UTP15: variants seen among roughly 807,000 people sequenced by gnomAD.
The protein encoded by UTP15 is UTP15 small subunit processome component.
Under a neutral mutation model 59.1 loss-of-function variants are expected in UTP15, and 5 were observed. The ratio of observed to expected loss-of-function variants is 0.08; its 90% CI spans 0.04 to 0.18. UTP15 has a LOEUF of 0.18. Ranked by LOEUF, UTP15 falls within the 10% of genes least tolerant of loss-of-function variation. The pLI, the probability that UTP15 is intolerant of heterozygous loss-of-function variation, is 1.00. For missense variants in UTP15, 494 were observed against 616.7 expected, an observed-to-expected ratio of 0.80 and a Z score of 2.11; for synonymous variants, 211 against 212.2, an observed-to-expected ratio of 0.99 and a Z score of 0.05.
Position 73,577,929 on chromosome 5 carries a change from A to G in UTP15, c.968A>G (p.Lys323Arg). 8.2e-6 allele frequency: 13 copies of G among 1,591,750 alleles called. No homozygotes were observed. The highest frequency in any genetic ancestry group is 1.1e-5 in the Non-Finnish European group (13 of 1,173,708). The part of the protein sequence containing the change: ...LSVKHRKSEA[K>R]KESLPRRRRP... ...GTTAAACATCGGAAATCTGAAGCAA[A>G]GAAGGAATCACTTCCCAGAAGAAGA... is the stretch of plus-strand genomic sequence containing the variant. The change falls in exon 9 of 13, where the codon AAG (lysine) becomes AGG (arginine). Residue 323 changes from lysine (K) to arginine (R), a missense_variant. By Grantham distance (26) the Lys-to-Arg change is conservative. Coordinates refer to ENST00000296792, the MANE Select transcript of UTP15 (RefSeq NM_032175.4).
intron 5 of UTP15, 47 bp downstream of exon 5, chr5:73,569,722 G>A (rs748798914): frequency 4.1e-6 from 6 of 1,445,910 alleles, no homozygotes; most frequent in Middle Eastern, 1.8e-4. Context: ...TCACGGGGAT[G>A]TACTTTAATG....
chr5:73,577,815 G>A (rs755363598), intron 8 of UTP15, 41 bp from the exon 9 acceptor site: 15 of 1,515,798 alleles, frequency 9.9e-6, no homozygotes, highest in South Asian at 6.1e-5. Flanking sequence ...TATAAATTAC[G>A]AGTTAAGAAT....
rs767425041 is a variant in UTP15, at chr5:73,568,238, C to T, written c.94C>T (p.Pro32Ser). The T allele has an allele frequency of 1.9e-6, 3 of 1,606,206 alleles. No individual in the cohort carries two copies. Among genetic ancestry groups the T allele is most frequent in the Non-Finnish European group, 2.5e-6 (3 of 1,177,486 alleles). ...CACACTATTATTTTTTATTAAGACC[C>T]CTGTTCAGATTAAGGAATTTGGTGC... ...DTLYWNNYKT[P>S]VQIKEFGAVS... is the part of the protein sequence containing the mutation. Residue 32 changes from proline to serine, a missense_variant, in exon 3 of 13, where the codon CCT becomes TCT. Coordinates refer to ENST00000296792, the MANE Select transcript of UTP15 (RefSeq NM_032175.4).
Position 73,579,390 on chromosome 5 carries a change from A to T in UTP15, c.1339+15A>T. On this transcript the variant is annotated intron_variant, in intron 12 of 12. Coordinates refer to ENST00000296792, the MANE Select transcript of UTP15 (RefSeq NM_032175.4). Reference sequence around the variant, plus strand: ...AATAATTATTGGTAAGTCATTGTTAAAACTTGAAAATCCTAACATGCTTGC... The same window carrying T: ...AATAATTATTGGTAAGTCATTGTTATAACTTGAAAATCCTAACATGCTTGC... The T allele has an allele frequency of 1.3e-6, 2 of 1,586,046 alleles. No homozygotes were observed. Among genetic ancestry groups the T allele is most frequent in the Non-Finnish European group, 1.7e-6 (2 of 1,164,996 alleles).
In UTP15 at chr5:73,580,684, T is replaced by C. The variant is rs1748276474; in HGVS notation, c.*590T>C. 6.6e-6 allele frequency: 1 copy of C among 152,286 alleles called. No individual in the cohort carries two copies. Among genetic ancestry groups the C allele is most frequent in the South Asian group, 2.1e-4 (1 of 4,836 alleles). The allele number at this position is 152,286 out of a possible 1,614,324, so 9.4% of individuals were successfully genotyped here. A position where few individuals can be genotyped will look rare whatever the true frequency, so the allele number is the denominator to read the frequency against. On this transcript the variant is annotated 3_prime_UTR_variant, in exon 13 of 13. Transcript: ENST00000296792. ...AGTGTGGCAAGTAAGTTTTCGGCTC[T>C]GAAGAACTGACACTAGCTAGATTTG...
In UTP15 at chr5:73,581,738, A is replaced by G. The variant is rs1395840028; in HGVS notation, c.*1644A>G. On this transcript the variant is annotated 3_prime_UTR_variant, in exon 13 of 13. Transcript: ENST00000296792. ...AAATTAATTTAACATTTAGACTAAC[A>G]TTAACATTTAAATTAATATGTTAAG... The G allele has an allele frequency of 2.2e-5, 3 of 138,192 alleles. No individual in the cohort carries two copies. The highest frequency in any genetic ancestry group is 2.5e-4 in the East Asian group (1 of 3,926). 8.6% of individuals were successfully genotyped at this position (138,192 alleles called of 1,614,324 possible).
At position 73,565,790 on chromosome 5, in the gene UTP15, C is replaced by A; in HGVS notation, c.-206C>A. 1 of 456,298 alleles carries A rather than the reference C, an allele frequency of 2.2e-6. No individual in the cohort carries two copies. The highest frequency in any genetic ancestry group is 1.5e-5 in the South Asian group (1 of 64,568). The allele number at this position is 456,298 out of a possible 1,614,324, so 28.3% of individuals were successfully genotyped here. ...GGTTCGCTGTGTGTGTCGCCGGCTC[C>A]TTGAGGGTCCATGTGATTTTTACGC... On this transcript the variant is annotated 5_prime_UTR_variant, in exon 1 of 13. Transcript: ENST00000296792.
intron 4 of UTP15, among the ~76,000 whole-genome samples, chr5:73,568,850 G>A (rs1445572601): frequency 6.6e-6 from 1 of 151,674 alleles, no homozygotes; most frequent in Non-Finnish European, 1.5e-5. Flanking sequence ...GAGCTACTCT[G>A]TAGCTTTTGG....
Position 73,582,336 on chromosome 5 carries a change from A to G in UTP15, c.*2242A>G, listed in dbSNP as rs993028902. On this transcript the variant is annotated 3_prime_UTR_variant, in exon 13 of 13. Coordinates refer to ENST00000296792, the MANE Select transcript of UTP15 (RefSeq NM_032175.4). ...CATTTTTCAAACAGGTTAGGAAGCAATTCCCATAGCCATCAATACTTAAAT... is the reference window on the plus strand; with the variant it reads ...CATTTTTCAAACAGGTTAGGAAGCAGTTCCCATAGCCATCAATACTTAAAT... 2.0e-5 allele frequency: 3 copies of G among 152,182 alleles called. No individual in the cohort carries two copies. Among genetic ancestry groups the G allele is most frequent in the Non-Finnish European group, 4.4e-5 (3 of 68,028 alleles). The allele number at this position is 152,182 out of a possible 1,614,324, so 9.4% of individuals were successfully genotyped here.
At chr5:73,575,413 G>A (rs144884273) in intron 7 of UTP15, among the ~76,000 whole-genome samples, 26 of 152,290 alleles carry the variant, frequency 1.7e-4, no homozygotes, top group African/African-American at 6.0e-4. Flanking sequence ...ACCATATAGG[G>A]GATAGAGGCC....
rs940390289 is a variant in UTP15, at chr5:73,581,058, T to G, written c.*964T>G. 1 of 151,898 alleles carries G rather than the reference T, an allele frequency of 6.6e-6. No individual in the cohort carries two copies. The highest frequency in any genetic ancestry group is 1.5e-5 in the Non-Finnish European group (1 of 67,994). 9.4% of individuals were successfully genotyped at this position (151,898 alleles called of 1,614,324 possible). On this transcript the variant is annotated 3_prime_UTR_variant, in exon 13 of 13. Transcript: ENST00000296792. ...GTAAATAATTATTTTTTAGAAGTTT[T>G]TTTTTTTTTTTTAAAGACAGGGTCT...
At chr5:73,579,780 T>C in intron 12 of UTP15, 97 bp from the exon 13 acceptor site, 1 of 656,468 alleles carries the variant, frequency 1.5e-6, no homozygotes, top group Non-Finnish European at 2.4e-6. Flanking sequence ...TTCAGTGTTC[T>C]TATGTTTAAT....
In UTP15 at chr5:73,579,056, A is replaced by C. The variant is rs949623747; in HGVS notation, c.1186A>C (p.Ile396Leu). 1.9e-6 allele frequency: 3 copies of C among 1,613,830 alleles called. No homozygotes were observed. The highest frequency in any genetic ancestry group is 1.7e-6 in the Non-Finnish European group (2 of 1,179,894). The change falls in exon 11 of 13, where the codon ATC (isoleucine) becomes CTC (leucine). Residue 396 changes from isoleucine to leucine, a missense_variant. Coordinates refer to ENST00000296792, the MANE Select transcript of UTP15 (RefSeq NM_032175.4). ...TIKTPEITVS[I>L]IKELNRRGVL... is the part of the protein sequence containing the mutation. ...AAAGACACCCGAGATTACGGTGTCC[A>C]TCATAAAGGAGTTAAATCGAAGAGG... is the stretch of plus-strand genomic sequence containing the variant.
At chr5:73,575,390 A>G (rs1748059785) in intron 7 of UTP15, among the ~76,000 whole-genome samples, 1 of 152,156 alleles carries the variant, frequency 6.6e-6, no homozygotes, top group Non-Finnish European at 1.5e-5. Context: ...TTTTATCACA[A>G]CTCATGGTAC....
At chr5:73,574,401 C>A (rs562721810) in intron 7 of UTP15, among the ~76,000 whole-genome samples, 2 of 151,876 alleles carry the variant, frequency 1.3e-5, no homozygotes, top group African/African-American at 4.8e-5. Context: ...AATTTAGTTT[C>A]TCATTTTCAC....
chr5:73,570,007 A>AT (rs1355926968), intron 5 of UTP15, among the ~76,000 whole-genome samples: 1 of 151,614 alleles, frequency 6.6e-6, no homozygotes, highest in African/African-American at 2.4e-5. Flanking sequence ...TACTTTGTGT[A>AT]TTTTTTTGTA....
intron 5 of UTP15, among the ~76,000 whole-genome samples, chr5:73,569,993 C>T (rs1322014294): frequency 2.0e-5 from 3 of 151,768 alleles, no homozygotes; most frequent in Admixed American, 6.6e-5. Flanking sequence ...CCACCACGTC[C>T]AGCTACTTTG....
At position 73,572,582 on chromosome 5, in the gene UTP15, T is replaced by G. The variant is rs753676987; in HGVS notation, c.767T>G (p.Leu256Arg). ...CACAAAACCGTGACATGTTTATGTC[T>G]AAGCAGCTCTGGACAGAGGTTACTC... The part of the protein sequence containing the change: ...NHHKTVTCLC[L>R]SSSGQRLLSG... Residue 256 changes from leucine (L) to arginine (R), a missense_variant, in exon 7 of 13, where the codon CTA (leucine) becomes CGA (arginine). Transcript: ENST00000296792. The G allele has an allele frequency of 3.1e-6, 5 of 1,614,210 alleles. No homozygotes were observed. The South Asian group carries it at 5.5e-5, about 18-fold the overall frequency.
Position 73,568,295 on chromosome 5 carries a change from C to T in UTP15, c.151C>T (p.Pro51Ser), listed in dbSNP as rs991589194. ...VSKVDFSPQP[P>S]YNYAVTASSR... ...AAAAGTAGACTTTTCTCCTCAGCCT[C>T]CATATAATTATGCTGTCACAGCTTC... Residue 51 changes from proline to serine, a missense_variant, in exon 3 of 13, where the codon CCA becomes TCA. Coordinates refer to ENST00000296792, the MANE Select transcript of UTP15 (RefSeq NM_032175.4). 1 of 1,610,864 alleles carries T rather than the reference C, an allele frequency of 6.2e-7. No individual in the cohort carries two copies. Among genetic ancestry groups the T allele is most frequent in the African/African-American group, 1.3e-5 (1 of 74,808 alleles).
Sources: allele counts gnomAD v4.1 joint callset (sites outside exome capture counted in the v4.1 genomes callset), GRCh38; gene constraint gnomAD v4.1.1; transcripts MANE v1.5; gene names NCBI Gene and HGNC (gene_info 2026-07-23, HGNC 2026-07-21).